Variants in EDEM1 observed in about 807,000 individuals in gnomAD.
The protein encoded by EDEM1 is ER degradation-enhancing alpha-mannosidase-like protein 1.
EDEM1 carries 67 observed loss-of-function variants against 74.4 expected under a neutral mutation model. The ratio of observed to expected loss-of-function variants is 0.90; its 90% CI spans 0.74 to 1.10. The LOEUF is 1.10. EDEM1 is among the 50% of genes least tolerant of loss of function. The pLI, the probability that EDEM1 is intolerant of heterozygous loss-of-function variation, is 0.00. For missense variants in EDEM1, 926 were observed against 851.6 expected (o/e 1.09, Z -1.09); for synonymous variants, 382 against 335.9 (o/e 1.14, Z -1.50).
intron 1 of EDEM1, among the ~76,000 whole-genome samples, chr3:5,188,640 CT>C (rs1292646634): frequency 2.0e-5 from 3 of 152,246 alleles, no homozygotes; most frequent in Admixed American, 2.0e-4. Flanking sequence ...GCTTGGAGGG[CT>C]TTCCACTTCC....
At position 5,187,907 on chromosome 3, in the gene EDEM1, C is replaced by T. The variant is rs749873787; in HGVS notation, c.102C>T (p.Tyr34=). ...GGCTGGGGCCCAGCATGGGCTTCTA[C>T]CAGCGCTTTCCGCTCAGCTTCGGCT... ...VFGLGPSMGF[Y]QRFPLSFGFQ... is the part of the protein sequence containing the mutation. The change falls in exon 1 of 12, where the codon TAC becomes TAT. Residue 34 remains tyrosine, a synonymous_variant. Transcript: ENST00000256497. 2.2e-5 allele frequency: 35 copies of T among 1,598,596 alleles called. No individual in the cohort carries two copies. In the Admixed American group the frequency reaches 3.9e-4, roughly 18 times the overall value.
rs1334269854 is a variant in EDEM1, at chr3:5,215,934, G to A, written c.*16G>A. The A allele has an allele frequency of 6.2e-7, 1 of 1,606,498 alleles. No homozygotes were observed. The highest frequency in any genetic ancestry group is 8.5e-7 in the Non-Finnish European group (1 of 1,175,766). ...TTTGATTTGATCTGCTCTCTGTGAG[G>A]CCTCATCTTGAACCAGACCTTAACG... On this transcript the variant is annotated 3_prime_UTR_variant, in exon 12 of 12. Transcript: ENST00000256497.
At chr3:5,202,316 G>A (rs1458763115) in intron 4 of EDEM1, among the ~76,000 whole-genome samples, 1 of 152,240 alleles carries the variant, frequency 6.6e-6, no homozygotes, top group Non-Finnish European at 1.5e-5. Flanking sequence ...CGGGAGCTCA[G>A]TGAGTGTTCT....
intron 6 of EDEM1, among the ~76,000 whole-genome samples, chr3:5,206,022 A>G (rs2055092683): frequency 6.6e-6 from 1 of 152,134 alleles, no homozygotes; most frequent in South Asian, 2.1e-4. Context: ...AATACTTTAC[A>G]AAGAACTGTT....
chr3:5,195,499 G>A (rs1383122607), intron 2 of EDEM1, among the ~76,000 whole-genome samples: 3 of 152,050 alleles, frequency 2.0e-5, no homozygotes, highest in African/African-American at 7.3e-5. Context: ...AAAAGGAGAA[G>A]GAATGTACGA....
chr3:5,188,809 T>C (rs2054864048), intron 1 of EDEM1, among the ~76,000 whole-genome samples: 1 of 152,218 alleles, frequency 6.6e-6, no homozygotes, highest in Admixed American at 6.5e-5. Context: ...TATAGTTGAC[T>C]TCTCCAAAGC....
chr3:5,211,164 A>C lies in EDEM1; in HGVS notation c.1628A>C (p.Glu543Ala). The change falls in exon 10 of 12, where the codon GAA (glutamate) becomes GCA (alanine). Residue 543 changes from glutamate to alanine, a missense_variant. Transcript: ENST00000256497. Reference sequence around the variant, plus strand: ...CATCACGTCATTGACAAGTCCACAGAAGACCGGATGGAGAGCTTCTTTCTC... The same window carrying C: ...CATCACGTCATTGACAAGTCCACAGCAGACCGGATGGAGAGCTTCTTTCTC... ...TLHHVIDKST[E>A]DRMESFFLSE... 6.2e-7 allele frequency: 1 copy of C among 1,614,216 alleles called. No individual in the cohort carries two copies. Among genetic ancestry groups the C allele is most frequent in the Non-Finnish European group, 8.5e-7 (1 of 1,180,028 alleles).
chr3:5,215,821 C>G lies in EDEM1; in HGVS notation c.1885-8C>G. The G allele has an allele frequency of 6.2e-7, 1 of 1,612,264 alleles. No homozygotes were observed. The highest frequency in any genetic ancestry group is 8.5e-7 in the Non-Finnish European group (1 of 1,178,874). ...GTTTTTAATTTTCCCTCGTTTTTGT[C>G]TTTCTAGTGCAATCGTGTACCTGAT... On this transcript the variant is annotated splice_region_variant and splice_polypyrimidine_tract_variant and intron_variant, in intron 11 of 11. Transcript: ENST00000256497.
intron 10 of EDEM1, 124 bp from the exon 11 acceptor site, chr3:5,213,195 G>T (rs570465379): frequency 8.6e-6 from 8 of 933,570 alleles, no homozygotes; most frequent in Non-Finnish European, 1.1e-5. Flanking sequence ...TTTTCACCCA[G>T]TTGTCACTGA....
intron 6 of EDEM1, among the ~76,000 whole-genome samples, 173 bp from the exon 7 acceptor site, chr3:5,206,980 A>G (rs1475451692): frequency 1.3e-5 from 2 of 152,248 alleles, no homozygotes; most frequent in Non-Finnish European, 2.9e-5. Context: ...ATCTTCTGCT[A>G]GAGTCTAATG....
rs373439438 is a variant in EDEM1, at chr3:5,211,212, A to G, written c.1676A>G (p.Tyr559Cys). Residue 559 changes from tyrosine (Y) to cysteine (C), a missense_variant, in exon 10 of 12, where the codon TAT (tyrosine) becomes TGT (cysteine). Coordinates refer to ENST00000256497, the MANE Select transcript of EDEM1 (RefSeq NM_014674.3). ...FFLSETCKYL[Y>C]LLFDEDNPVH... The stretch of plus-strand genomic sequence containing the variant: ...CTCAGTGAGACCTGTAAATATTTGT[A>G]TCTGGTATGTGTGTTGCAAGATGAA... The G allele has an allele frequency of 1.1e-5, 18 of 1,613,812 alleles. No individual in the cohort carries two copies. The highest frequency in any genetic ancestry group is 1.5e-5 in the Non-Finnish European group (18 of 1,179,834).
Position 5,188,055 on chromosome 3 carries a change from C to G in EDEM1, c.250C>G (p.Arg84Gly). ...PPGTGAAQSPRKAPRRPGPGM... is the reference protein window; with the variant it reads ...PPGTGAAQSPGKAPRRPGPGM... ...GGGGACCGGGGCAGCGCAGAGCCCG[C>G]GCAAGGCTCCGCGGCGTCCTGGGCC... The change falls in exon 1 of 12, where the codon CGC becomes GGC. Residue 84 changes from arginine to glycine, a missense_variant. Coordinates refer to ENST00000256497, the MANE Select transcript of EDEM1 (RefSeq NM_014674.3). 5 of 1,434,896 alleles carry G rather than the reference C, an allele frequency of 3.5e-6. No individual in the cohort carries two copies. Among genetic ancestry groups the G allele is most frequent in the Non-Finnish European group, 4.6e-6 (5 of 1,096,268 alleles). 88.9% of individuals were successfully genotyped at this position (1,434,896 alleles called of 1,614,324 possible).
intron 10 of EDEM1, among the ~76,000 whole-genome samples, chr3:5,212,896 A>G (rs1168203100): frequency 6.6e-6 from 1 of 152,212 alleles, no homozygotes; most frequent in African/African-American, 2.4e-5. Context: ...ATGGTGGTGG[A>G]TAAAACTTGG....
rs1450346539 is a variant in EDEM1 at position 5,203,028 on chromosome 3, T to C, written c.921T>C (p.Gly307=). The change falls in exon 5 of 12, where the codon GGT becomes GGC. Residue 307 remains glycine (G), a synonymous_variant. Coordinates refer to ENST00000256497, the MANE Select transcript of EDEM1 (RefSeq NM_014674.3). The stretch of plus-strand genomic sequence containing the variant: ...ATGAGACATGCACAGCGGGAGCCGG[T>C]TCCCTCCTGGTGGAATTTGGGATTC... ...TNNETCTAGA[G]SLLVEFGILS... 6.2e-7 allele frequency: 1 copy of C among 1,613,966 alleles called. No homozygotes were observed. The highest frequency in any genetic ancestry group is 8.5e-7 in the Non-Finnish European group (1 of 1,179,898).
chr3:5,211,812 C>T (rs924372089), intron 10 of EDEM1, among the ~76,000 whole-genome samples: 7 of 152,194 alleles, frequency 4.6e-5, no homozygotes, highest in East Asian at 1.9e-4. Context: ...CAAAGTATGG[C>T]GATGGCTGTG....
Position 5,187,811 on chromosome 3 carries a change from A to G in EDEM1, c.6A>G (p.Gln2=). 2.5e-6 allele frequency: 4 copies of G among 1,577,882 alleles called. No individual in the cohort carries two copies. The highest frequency in any genetic ancestry group is 2.4e-5 in the East Asian group (1 of 41,114). ...CCCGCGGCGCCCGCGCGACCATGCA[A>G]TGGCGAGCGCTCGTCCTGGGGCTGG... The part of the protein sequence containing the change: M[Q]WRALVLGLVL... Residue 2 remains glutamine, a synonymous_variant, in exon 1 of 12, where the codon CAA becomes CAG. Coordinates refer to ENST00000256497, the MANE Select transcript of EDEM1 (RefSeq NM_014674.3).
Position 5,195,200 on chromosome 3 carries a change from C to T in EDEM1, c.510-9C>T, listed in dbSNP as rs750832431. On this transcript the variant is annotated splice_polypyrimidine_tract_variant and intron_variant, in intron 1 of 11. Transcript: ENST00000256497. The stretch of plus-strand genomic sequence containing the variant: ...AGTCTTTTTGTTGAATTTTAATTTT[C>T]TTTTTCAGTTCAAATCTGAACATCA... The T allele has an allele frequency of 2.5e-5, 37 of 1,472,726 alleles. 1 individual carries two copies. In the East Asian group the frequency reaches 5.1e-4, roughly 20 times the overall value. The allele number at this position is 1,472,726 out of a possible 1,614,324, so 91.2% of individuals were successfully genotyped here.
rs760720751 is a variant in EDEM1 at position 5,208,207 on chromosome 3, G to C, written c.1453G>C (p.Val485Leu). ...TAACTGGCAGCTGCAGGCCCCTGAC[G>C]TTCTCTTCTACCCACTGAGACCAGA... Reference protein sequence around the residue: ...RYNWQLQAPDVLFYPLRPELV... With the variant: ...RYNWQLQAPDLLFYPLRPELV... Residue 485 changes from valine to leucine, a missense_variant, in exon 8 of 12, where the codon GTT (valine) becomes CTT (leucine). Coordinates refer to ENST00000256497, the MANE Select transcript of EDEM1 (RefSeq NM_014674.3). 9.3e-6 allele frequency: 15 copies of C among 1,613,440 alleles called. No individual in the cohort carries two copies. The South Asian group carries it at 1.4e-4, about 15-fold the overall frequency.
intron 11 of EDEM1, among the ~76,000 whole-genome samples, chr3:5,213,790 G>A (rs980545843): frequency 3.3e-5 from 5 of 152,114 alleles, no homozygotes; most frequent in Admixed American, 6.5e-5. Context: ...TGGGAGGAGC[G>A]AGCACTCAGC....
Sources: gnomAD v4.1 joint callset for allele counts (sites outside exome capture counted in the v4.1 genomes callset) on GRCh38, gnomAD v4.1.1 for gene constraint, MANE v1.5 for transcripts, NCBI Gene and HGNC (gene_info 2026-07-23, HGNC 2026-07-21) for gene names.